Variants in RNGTT observed in about 807,000 individuals in gnomAD.
RNGTT encodes RNA guanylyltransferase and 5'-phosphatase.
In RNGTT, 33 loss-of-function variants were observed where a neutral mutation model predicts 79.3. The observed-to-expected ratio is 0.42, with a 90% confidence interval of 0.32 to 0.56. RNGTT has a LOEUF of 0.56. Ranked by LOEUF, RNGTT falls within the 20% of genes least tolerant of loss-of-function variation. RNGTT has a pLI of 0.17. For synonymous variants in RNGTT, 222 were observed against 235.9 expected, an observed-to-expected ratio of 0.94 and a Z score of 0.54; for missense variants, 497 against 739.1, an observed-to-expected ratio of 0.67 and a Z score of 3.80.
chr6:88,729,601 A>G (rs1777040957), intron 13 of RNGTT, among the ~76,000 whole-genome samples: 1 of 152,228 alleles, frequency 6.6e-6, no homozygotes, highest in South Asian at 2.1e-4. Flanking sequence ...TATAACCAAC[A>G]GCGATTTATT....
intron 13 of RNGTT, among the ~76,000 whole-genome samples, chr6:88,756,642 A>T (rs2127833383): frequency 6.6e-6 from 1 of 152,352 alleles, no homozygotes; most frequent in South Asian, 2.1e-4. Flanking sequence ...AAAGTAAAGG[A>T]ATTTTTCCAA....
At chr6:88,761,215 C>T (rs1778229699) in intron 13 of RNGTT, among the ~76,000 whole-genome samples, 1 of 152,062 alleles carries the variant, frequency 6.6e-6, no homozygotes, top group African/African-American at 2.4e-5. Flanking sequence ...TCTGGCCAGG[C>T]ATGTTGGCTC....
intron 6 of RNGTT, among the ~76,000 whole-genome samples, chr6:88,894,923 T>C (rs1012329006): frequency 1.3e-5 from 2 of 151,986 alleles, no homozygotes; most frequent in Admixed American, 6.6e-5. Context: ...AAAAAATAAA[T>C]AATTAATTTT....
At chr6:88,624,112 G>C (rs1772539146) in intron 14 of RNGTT, among the ~76,000 whole-genome samples, 1 of 151,842 alleles carries the variant, frequency 6.6e-6, no homozygotes, top group African/African-American at 2.4e-5. Context: ...TAAATAAAAA[G>C]AGATATACAC....
intron 4 of RNGTT, 49 bp from the exon 5 acceptor site, chr6:88,906,489 C>T (rs756825792): frequency 4.6e-6 from 5 of 1,079,646 alleles, no homozygotes; most frequent in Non-Finnish European, 6.7e-6. Flanking sequence ...ACTGCAGAGG[C>T]CACATTTACT....
intron 12 of RNGTT, among the ~76,000 whole-genome samples, chr6:88,772,132 T>C (rs1371495742): frequency 2.6e-5 from 4 of 151,772 alleles, no homozygotes; most frequent in African/African-American, 9.7e-5. Flanking sequence ...TGAGCCATGA[T>C]CATACCACTG....
intron 13 of RNGTT, 128 bp from the exon 14 acceptor site, chr6:88,678,547 A>G: frequency 2.4e-6 from 1 of 414,942 alleles, no homozygotes; most frequent in East Asian, 4.7e-5. Flanking sequence ...ATGCTGTGAG[A>G]AAAGTAATAA....
Position 88,822,111 on chromosome 6 carries a change from A to AT in RNGTT, c.1270-20480dup, listed in dbSNP as rs1239670437. Among the ~76,000 whole-genome samples, 5 of 152,300 alleles carry AT rather than the reference A, an allele frequency of 3.3e-5. No individual in the cohort carries two copies. The South Asian group carries it at 1.0e-3, about 32-fold the overall frequency. ...AGTTTTTCTCTAGGGGCATTTCCTG[A>AT]TTTTAACATATGGCAAAACTTAGAA... On this transcript the variant is annotated intron_variant, in intron 11 of 15. Transcript: ENST00000369485.
chr6:88,741,032 G>C (rs561967803), intron 13 of RNGTT, among the ~76,000 whole-genome samples: 3 of 152,276 alleles, frequency 2.0e-5, no homozygotes, highest in Admixed American at 6.5e-5. Flanking sequence ...ATGGAAAATA[G>C]TTTGGAGATT....
In RNGTT at chr6:88,820,212, T is replaced by TATGATG. The variant is rs748917814; in HGVS notation, c.1270-18586_1270-18581dup. On this transcript the variant is annotated intron_variant, in intron 11 of 15. Coordinates refer to ENST00000369485, the MANE Select transcript of RNGTT (RefSeq NM_003800.5). ...AACAATATATTACTGATGATGATGA[T>TATGATG]ATGATGATGATGATGATGGATGACT... is the stretch of plus-strand genomic sequence containing the variant. Among the ~76,000 whole-genome samples the TATGATG allele has an allele frequency of 1.1e-4, 16 of 152,046 alleles. 1 individual carries two copies. In the South Asian group the frequency reaches 2.1e-3, roughly 20 times the overall value.
rs6912909 is a variant in RNGTT, at chr6:88,858,698, C to T, written c.897-4934G>A. Among the ~76,000 whole-genome samples, 1,189 of 152,262 alleles carry T rather than the reference C, an allele frequency of 7.8e-3. 7 individuals carry two copies. The highest frequency in any genetic ancestry group is 0.026 in the African/African-American group (1,092 of 41,536). On this transcript the variant is annotated intron_variant, in intron 8 of 15. Coordinates refer to ENST00000369485, the MANE Select transcript of RNGTT (RefSeq NM_003800.5). ...TGTCATAACGCTGACACAACGGCAACGCTGATATTAAAATTTAGACAATAG... is the reference window on the plus strand; with the variant it reads ...TGTCATAACGCTGACACAACGGCAATGCTGATATTAAAATTTAGACAATAG...
At chr6:88,671,424 C>G (rs751628911) in intron 14 of RNGTT, among the ~76,000 whole-genome samples, 1 of 152,130 alleles carries the variant, frequency 6.6e-6, no homozygotes, top group Admixed American at 6.5e-5. Context: ...ACAAGGAAAA[C>G]TACAAAACAT....
chr6:88,851,385 T>C (rs1233845685), intron 9 of RNGTT, among the ~76,000 whole-genome samples: 1 of 151,970 alleles, frequency 6.6e-6, no homozygotes, highest in African/African-American at 2.4e-5. Context: ...TGTCATCTCT[T>C]GATTGTTTAT....
intron 13 of RNGTT, among the ~76,000 whole-genome samples, chr6:88,706,688 G>A (rs866855412): frequency 3.3e-4 from 50 of 151,964 alleles, no homozygotes; most frequent in African/African-American, 1.2e-3. Context: ...AAATATCAAG[G>A]AAGCTTAAAA....
intron 12 of RNGTT, among the ~76,000 whole-genome samples, chr6:88,773,797 TACC>T (rs1778780461): frequency 6.6e-6 from 1 of 152,140 alleles, no homozygotes; most frequent in South Asian, 2.1e-4. Flanking sequence ...GCCTACCTCA[TACC>T]ATATACAAAG....
In RNGTT at chr6:88,881,279, T is replaced by C. The variant is rs578105794; in HGVS notation, c.896+9216A>G. 1.2e-4 allele frequency among the ~76,000 whole-genome samples: 19 copies of C among 152,256 alleles called. No individual in the cohort carries two copies. In the South Asian group the frequency reaches 3.9e-3, roughly 32 times the overall value. ...GTAACTGCAAGTCTTTCATTGAGAA[T>C]CATTTTGTTTAACTCTGAAAGTGGG... On this transcript the variant is annotated intron_variant, in intron 8 of 15. Transcript: ENST00000369485.
intron 14 of RNGTT, among the ~76,000 whole-genome samples, chr6:88,650,386 C>T (rs1318317383): frequency 6.6e-6 from 1 of 152,176 alleles, no homozygotes; most frequent in Non-Finnish European, 1.5e-5. Flanking sequence ...CATTCCGAAA[C>T]TTAAAAACAT....
chr6:88,619,270 A>T (rs182734042), intron 14 of RNGTT, among the ~76,000 whole-genome samples: 1 of 151,782 alleles, frequency 6.6e-6, no homozygotes, highest in African/African-American at 2.4e-5. Flanking sequence ...GGCTCAAGTC[A>T]TCCTCCCGCC....
intron 13 of RNGTT, among the ~76,000 whole-genome samples, chr6:88,740,645 G>A (rs906361502): frequency 1.3e-5 from 2 of 152,094 alleles, no homozygotes; most frequent in Non-Finnish European, 2.9e-5. Context: ...ATCACCCTCA[G>A]CAAACTAACA....
Sources: allele counts gnomAD v4.1 joint callset (sites outside exome capture counted in the v4.1 genomes callset), GRCh38; gene constraint gnomAD v4.1.1; transcripts MANE v1.5; gene names NCBI Gene and HGNC (gene_info 2026-07-23, HGNC 2026-07-21).